MEX3C: variants seen among roughly 807,000 people sequenced by gnomAD.
MEX3C encodes the protein RNA-binding E3 ubiquitin-protein ligase MEX3C.
In MEX3C, 15 loss-of-function variants were observed where a neutral mutation model predicts 35.5. The ratio of observed to expected loss-of-function variants is 0.42; its 90% confidence interval spans 0.28 to 0.65. MEX3C has a LOEUF of 0.65. MEX3C is among the 30% of genes least tolerant of loss of function. The pLI, the probability that MEX3C is intolerant of heterozygous loss-of-function variation, is 0.20. For missense variants in MEX3C, 711 were observed against 842.8 expected, an observed-to-expected ratio of 0.84 and a Z score of 1.94; for synonymous variants, 390 against 352.8, an observed-to-expected ratio of 1.11 and a Z score of -1.18.
At position 51,197,646 on chromosome 18, in the gene MEX3C, G is replaced by C. The variant is rs973283185; in HGVS notation, c.-326C>G. On this transcript the variant is annotated 5_prime_UTR_variant, in exon 1 of 2. Coordinates refer to ENST00000406189, the MANE Select transcript of MEX3C (RefSeq NM_016626.5). ...GCCTTAACCAGCCCCCGGCGCGCGC[G>C]GCGGCGGCGGCTACGCCCCACGCCG... Among the ~76,000 whole-genome samples, 11 of 151,478 alleles carry C rather than the reference G, an allele frequency of 7.3e-5. No individual in the cohort carries two copies. The highest frequency in any genetic ancestry group is 2.7e-4 in the African/African-American group (11 of 41,426).
At position 51,181,043 on chromosome 18, in the gene MEX3C, C is replaced by A. The variant is rs1167959449; in HGVS notation, c.755-3467G>T. Among the ~76,000 whole-genome samples, 3 of 152,112 alleles carry A rather than the reference C, an allele frequency of 2.0e-5. No homozygotes were observed. The East Asian group carries it at 5.8e-4, about 29-fold the overall frequency. ...ACACAAACTAAAGGAGAAAAACAATCTTGTTTTGTAATTTTGCAGGTGACG... is the reference window on the plus strand; with the variant it reads ...ACACAAACTAAAGGAGAAAAACAATATTGTTTTGTAATTTTGCAGGTGACG... On this transcript the variant is annotated intron_variant, in intron 1 of 1. Coordinates refer to ENST00000406189, the MANE Select transcript of MEX3C (RefSeq NM_016626.5).
Position 51,196,650 on chromosome 18 carries a change from A to C in MEX3C, c.671T>G (p.Leu224Arg). 1 of 1,573,292 alleles carries C rather than the reference A, an allele frequency of 6.4e-7. No individual in the cohort carries two copies. Among genetic ancestry groups the C allele is most frequent in the Non-Finnish European group, 8.6e-7 (1 of 1,165,594 alleles). ...GGTGTTGACGCTCTTTCTCCGGAGC[A>C]GGGCCGCCTGCTCCCCGTTCAGGGC... ...AAALNGEQAALLRRKSVNTTE... is the reference protein window; with the variant it reads ...AAALNGEQAARLRRKSVNTTE... The change falls in exon 1 of 2, where the codon CTG becomes CGG. Residue 224 changes from leucine (L) to arginine (R), a missense_variant. Leu to Arg is a moderately radical substitution (Grantham distance 102, BLOSUM62 -2). Transcript: ENST00000406189.
rs1234093722 is a variant in MEX3C at position 51,175,974 on chromosome 18, A to G, written c.*377T>C. The G allele has an allele frequency of 6.0e-6, 1 of 165,956 alleles. No homozygotes were observed. Among genetic ancestry groups the G allele is most frequent in the Non-Finnish European group, 1.3e-5 (1 of 77,134 alleles). 10.3% of individuals were successfully genotyped at this position (165,956 alleles called of 1,614,324 possible). ...GTCTGTAATGCCAAGTACCCTCCATAAACTCTTAAAGTGGTTAGGCTTTGG... is the reference window on the plus strand; with the variant it reads ...GTCTGTAATGCCAAGTACCCTCCATGAACTCTTAAAGTGGTTAGGCTTTGG... On this transcript the variant is annotated 3_prime_UTR_variant, in exon 2 of 2. Coordinates refer to ENST00000406189, the MANE Select transcript of MEX3C (RefSeq NM_016626.5).
chr18:51,193,152 A>C (rs1040925086), intron 1 of MEX3C: 1 of 152,198 alleles, frequency 6.6e-6, no homozygotes, highest in Non-Finnish European at 1.5e-5. Context: ...TATTAAGCAC[A>C]CTTACTATTC....
In MEX3C at chr18:51,186,601, TAGAC is replaced by T. The variant is rs145382546; in HGVS notation, c.755-9029_755-9026del. Among the ~76,000 whole-genome samples the T allele has an allele frequency of 2.6e-3, 392 of 152,160 alleles. 9 individuals are homozygous for T. The East Asian group carries it at 0.053, about 20-fold the overall frequency. ...ATCGTGTAGTAGAAAAAACTGGAGA[TAGAC>T]AGTAACATAAACAGATATGCATGTT... On this transcript the variant is annotated intron_variant, in intron 1 of 1. Transcript: ENST00000406189.
intron 1 of MEX3C, among the ~76,000 whole-genome samples, chr18:51,185,701 T>C (rs1599254021): frequency 1.3e-5 from 2 of 151,918 alleles, no homozygotes; most frequent in Admixed American, 1.3e-4. Flanking sequence ...CGAATAGACA[T>C]AAGGTAGGGT....
chr18:51,195,878 T>A (rs1211538254), intron 1 of MEX3C: 1 of 152,264 alleles, frequency 6.6e-6, no homozygotes, highest in Non-Finnish European at 1.5e-5. Flanking sequence ...ATTACCTTAG[T>A]GTCCATTTTT....
At chr18:51,181,158 A>C (rs1912420559) in intron 1 of MEX3C, among the ~76,000 whole-genome samples, 1 of 152,194 alleles carries the variant, frequency 6.6e-6, no homozygotes, top group Admixed American at 6.5e-5. Context: ...CTCAGAGTGA[A>C]ATAAAATTCA....
Position 51,196,838 on chromosome 18 carries a change from G to C in MEX3C, c.483C>G (p.Ser161=). ...CGGCTGGCAGCAGCACAGACCCCAG[G>C]GACCCGCCCGGGATCTGCTGGGTCT... is the stretch of plus-strand genomic sequence containing the variant. ...ASQTQQIPGG[S]LGSVLLPAAR... is the part of the protein sequence containing the mutation. Residue 161 remains serine, a synonymous_variant, in exon 1 of 2, where the codon TCC becomes TCG. Coordinates refer to ENST00000406189, the MANE Select transcript of MEX3C (RefSeq NM_016626.5). 1 of 1,536,586 alleles carries C rather than the reference G, an allele frequency of 6.5e-7. No homozygotes were observed. Among genetic ancestry groups the C allele is most frequent in the Non-Finnish European group, 8.7e-7 (1 of 1,145,366 alleles).
At chr18:51,183,962 A>G (rs1418321879) in intron 1 of MEX3C, among the ~76,000 whole-genome samples, 1 of 152,144 alleles carries the variant, frequency 6.6e-6, no homozygotes, top group Non-Finnish European at 1.5e-5. Context: ...GATCACACCA[A>G]TGCACTCCAG....
intron 1 of MEX3C, among the ~76,000 whole-genome samples, chr18:51,178,605 C>G (rs192564859): frequency 1.3e-5 from 2 of 152,068 alleles, no homozygotes; most frequent in East Asian, 3.9e-4. Context: ...AATCCCAGCA[C>G]TTTGGGAGGG....
chr18:51,177,984 T>A lies in MEX3C; in HGVS notation c.755-408A>T, dbSNP rs1206583785. 6.6e-6 allele frequency among the ~76,000 whole-genome samples: 1 copy of A among 152,234 alleles called. No individual in the cohort carries two copies. Among genetic ancestry groups the A allele is most frequent in the Non-Finnish European group, 1.5e-5 (1 of 68,040 alleles). ...TCAGTTTTGTTTATTCCCATGTTGT[T>A]TGTGGTAGGTGTACTCACGCTAGTA... is the stretch of plus-strand genomic sequence containing the variant. On this transcript the variant is annotated intron_variant, in intron 1 of 1. Coordinates refer to ENST00000406189, the MANE Select transcript of MEX3C (RefSeq NM_016626.5). The surrounding 1 kb of genome is among the most constrained non-coding windows in gnomAD (Gnocchi z 4.2).
At chr18:51,184,806 C>T (rs1912501662) in intron 1 of MEX3C, among the ~76,000 whole-genome samples, 1 of 151,842 alleles carries the variant, frequency 6.6e-6, no homozygotes, top group Non-Finnish European at 1.5e-5. Context: ...CTGCAGAGAT[C>T]CGAGATCGTG....
chr18:51,194,765 A>C (rs1394810220), intron 1 of MEX3C: 1 of 152,188 alleles, frequency 6.6e-6, no homozygotes, highest in Non-Finnish European at 1.5e-5. Flanking sequence ...GCTTCTTCAC[A>C]TTCTGGTGTG....
chr18:51,190,690 A>ATTTT (rs67715148), intron 1 of MEX3C, among the ~76,000 whole-genome samples: 66,987 of 151,644 alleles, frequency 0.44, 15,325 homozygotes, highest in Middle Eastern at 0.57. Context: ...GTAACTTAAA[A>ATTTT]TTCTCAAAGT....
In MEX3C at chr18:51,196,662, T is replaced by G; in HGVS notation, c.659A>C (p.Glu220Ala). Residue 220 changes from glutamate to alanine, a missense_variant, in exon 1 of 2, where the codon GAG (glutamate) becomes GCG (alanine). Glu to Ala is a moderately radical substitution (Grantham distance 107). Transcript: ENST00000406189. The part of the protein sequence containing the change: ...CGAAAAALNG[E>A]QAALLRRKSV... ...CTTTCTCCGGAGCAGGGCCGCCTGC[T>G]CCCCGTTCAGGGCGGCCGCCGCCGC... The G allele has an allele frequency of 6.4e-7, 1 of 1,561,264 alleles. No homozygotes were observed. Among genetic ancestry groups the G allele is most frequent in the Non-Finnish European group, 8.6e-7 (1 of 1,159,552 alleles).
At position 51,177,779 on chromosome 18, in the gene MEX3C, C is replaced by T. The variant is rs948292889; in HGVS notation, c.755-203G>A. The stretch of plus-strand genomic sequence containing the variant: ...GGTCTTTTTGCTAGTCCAAGAACCT[C>T]GATTTTCACAATTATCTGACAGAAG... On this transcript the variant is annotated intron_variant, in intron 1 of 1. Transcript: ENST00000406189. The surrounding 1 kb of genome is among the most constrained non-coding windows in gnomAD (Gnocchi z 4.2). Among the ~76,000 whole-genome samples the T allele has an allele frequency of 6.6e-6, 1 of 152,174 alleles. No individual in the cohort carries two copies. Among genetic ancestry groups the T allele is most frequent in the Non-Finnish European group, 1.5e-5 (1 of 68,026 alleles).
At chr18:51,179,921 G>A (rs1279946692) in intron 1 of MEX3C, among the ~76,000 whole-genome samples, 1 of 152,108 alleles carries the variant, frequency 6.6e-6, no homozygotes, top group African/African-American at 2.4e-5. Context: ...AACTTGACAA[G>A]GTGGCAAGAA....
chr18:51,186,982 G>GT (rs1197467631), intron 1 of MEX3C, among the ~76,000 whole-genome samples: 1 of 152,134 alleles, frequency 6.6e-6, no homozygotes, highest in Non-Finnish European at 1.5e-5. Context: ...TTCCCAAGAG[G>GT]TTTTGTTTTG....
Sources: allele counts gnomAD v4.1 joint callset (sites outside exome capture counted in the v4.1 genomes callset), GRCh38; gene constraint gnomAD v4.1.1; non-coding constraint Gnocchi (gnomAD v3.1); transcripts MANE v1.5; gene names NCBI Gene and HGNC (gene_info 2026-07-23, HGNC 2026-07-21).